Variants in ACVR1B observed in about 807,000 individuals in gnomAD.
The protein encoded by ACVR1B is activin receptor type-1B.
A neutral mutation model predicts 55.6 loss-of-function variants in ACVR1B; 15 were observed. The ratio of observed to expected loss-of-function variants is 0.27; its 90% CI spans 0.18 to 0.42. The LOEUF (loss-of-function observed/expected upper bound fraction) is 0.42. ACVR1B is among the 10% of genes least tolerant of loss of function. The probability of loss-of-function intolerance (pLI) is 1.00; values close to 1 mark genes in which losing one functional copy is unlikely to be tolerated. For missense variants in ACVR1B, 359 were observed against 670.1 expected (o/e 0.54, Z 5.13); for synonymous variants, 247 against 254.6 (o/e 0.97, Z 0.28).
At chr12:51,973,088 G>C (rs1024305291) in intron 1 of ACVR1B, among the ~76,000 whole-genome samples, 1 of 152,174 alleles carries the variant, frequency 6.6e-6, no homozygotes, top group Non-Finnish European at 1.5e-5. Flanking sequence ...AATGAGCCAC[G>C]TGTGGGTGTG....
At chr12:51,971,780 G>A (rs1941749870) in intron 1 of ACVR1B, among the ~76,000 whole-genome samples, 1 of 152,176 alleles carries the variant, frequency 6.6e-6, no homozygotes, top group East Asian at 1.9e-4. Context: ...CCAGTGTTGG[G>A]TCAGTGATCA....
Position 51,976,322 on chromosome 12 carries a change from C to T in ACVR1B, c.332-5C>T, listed in dbSNP as rs1941853934. On this transcript the variant is annotated splice_polypyrimidine_tract_variant and splice_region_variant and intron_variant, in intron 2 of 8. Transcript: ENST00000257963. ...TCTTTCCCTCTCCTCTCTCACTTGA[C>T]TCAGGTCACCTCAAGGAGCCTGAGC... The T allele has an allele frequency of 6.2e-7, 1 of 1,614,136 alleles. No homozygotes were observed. Among genetic ancestry groups the T allele is most frequent in the Non-Finnish European group, 8.5e-7 (1 of 1,180,002 alleles).
intron 2 of ACVR1B, 122 bp from the exon 3 acceptor site, chr12:51,976,205 G>A: frequency 1.7e-6 from 2 of 1,161,160 alleles, no homozygotes; most frequent in Non-Finnish European, 2.4e-6. Flanking sequence ...AGAGATCAAG[G>A]GAGCCTGAAC....
chr12:51,968,822 G>C (rs1161036595), intron 1 of ACVR1B, among the ~76,000 whole-genome samples: 1 of 152,134 alleles, frequency 6.6e-6, no homozygotes, highest in Non-Finnish European at 1.5e-5. Flanking sequence ...AATTTTTTTA[G>C]CACCAACGTG....
At chr12:51,971,227 T>A (rs1370550919) in intron 1 of ACVR1B, among the ~76,000 whole-genome samples, 1 of 152,242 alleles carries the variant, frequency 6.6e-6, no homozygotes, top group Admixed American at 6.5e-5. Context: ...GCCTGTCTCA[T>A]GAATCAAATT....
chr12:51,953,424 C>T, intron 1 of ACVR1B: 5 of 985,430 alleles, frequency 5.1e-6, no homozygotes, highest in Non-Finnish European at 4.8e-6. Flanking sequence ...GGCCTCACTG[C>T]TCTGTGGCTT....
At chr12:51,978,584 C>T (rs951145688) in intron 3 of ACVR1B, among the ~76,000 whole-genome samples, 5 of 152,096 alleles carry the variant, frequency 3.3e-5, no homozygotes, top group African/African-American at 7.2e-5. Flanking sequence ...AATCCCAGCA[C>T]TTTGGGAGGC....
At chr12:51,975,131 A>G (rs2120595495) in intron 1 of ACVR1B, 134 bp from the exon 2 acceptor site, 1 of 1,259,294 alleles carries the variant, frequency 7.9e-7, no homozygotes, top group African/African-American at 1.5e-5. Context: ...AGTTAAGGAT[A>G]TCTTTTTGGC....
At chr12:51,965,888 C>T (rs1302842222) in intron 1 of ACVR1B, among the ~76,000 whole-genome samples, 3 of 152,048 alleles carry the variant, frequency 2.0e-5, no homozygotes, top group Non-Finnish European at 2.9e-5. Flanking sequence ...TGGATGAAAT[C>T]GATTACAGAC....
rs577016278 is a variant in ACVR1B, at chr12:51,989,751, C to T, written c.1262-2112C>T. Among the ~76,000 whole-genome samples, 12 of 151,924 alleles carry T rather than the reference C, an allele frequency of 7.9e-5. No individual in the cohort carries two copies. The South Asian group carries it at 8.3e-4, about 11-fold the overall frequency. On this transcript the variant is annotated intron_variant, in intron 7 of 8. Transcript: ENST00000257963. ...CTGTAATCTCAGCACTTTTGGAGGCCGAGGTGGGCTGATCACAAGGTCAGG... is the reference window on the plus strand; with the variant it reads ...CTGTAATCTCAGCACTTTTGGAGGCTGAGGTGGGCTGATCACAAGGTCAGG...
At chr12:51,975,154 A>G (rs1176904885) in intron 1 of ACVR1B, 111 bp from the exon 2 acceptor site, 2 of 1,470,610 alleles carry the variant, frequency 1.4e-6, no homozygotes, top group Middle Eastern at 1.8e-4. Flanking sequence ...CATCTCTATA[A>G]AAACTGTTTT....
In ACVR1B at chr12:51,985,065, T is replaced by C. The variant is rs1001108936; in HGVS notation, c.980-127T>C. 9 of 977,970 alleles carry C rather than the reference T, an allele frequency of 9.2e-6. No individual in the cohort carries two copies. In the Admixed American group the frequency reaches 2.0e-4, roughly 21 times the overall value. 60.6% of individuals were successfully genotyped at this position (977,970 alleles called of 1,614,324 possible). ...TGAGGTACAGAGGGCTAAAGTCACTTTTCCAGGGTCACTGGATTAGCAGGA... is the reference window on the plus strand; with the variant it reads ...TGAGGTACAGAGGGCTAAAGTCACTCTTCCAGGGTCACTGGATTAGCAGGA... On this transcript the variant is annotated intron_variant, in intron 5 of 8. Coordinates refer to ENST00000257963, the MANE Select transcript of ACVR1B (RefSeq NM_004302.5).
At chr12:51,983,836 A>T (rs113186949) in intron 4 of ACVR1B, among the ~76,000 whole-genome samples, 163 bp from the exon 5 acceptor site, 1 of 152,232 alleles carries the variant, frequency 6.6e-6, no homozygotes, top group Admixed American at 6.5e-5. Context: ...GTAGACCACT[A>T]TAAATGAAAG....
chr12:51,980,935 A>G (rs1941965273), intron 3 of ACVR1B, 34 bp from the exon 4 acceptor site: 1 of 1,548,526 alleles, frequency 6.5e-7, no homozygotes, highest in Non-Finnish European at 8.7e-7. Context: ...TCAAATTTGC[A>G]ATGTCAGGTT....
intron 4 of ACVR1B, 96 bp from the exon 5 acceptor site, chr12:51,983,903 A>C: frequency 7.8e-7 from 1 of 1,289,518 alleles, no homozygotes; most frequent in Non-Finnish European, 1.1e-6. Context: ...TCAGGAGTCT[A>C]ACCTGATTTT....
chr12:51,992,652 G>GGTGT (rs1942215815), intron 8 of ACVR1B, among the ~76,000 whole-genome samples: 1 of 152,196 alleles, frequency 6.6e-6, no homozygotes, highest in Non-Finnish European at 1.5e-5. Context: ...GTGAGGAGGA[G>GGTGT]GTGTCCATAA....
intron 1 of ACVR1B, among the ~76,000 whole-genome samples, chr12:51,963,581 G>T (rs536896209): frequency 4.6e-5 from 7 of 152,298 alleles, no homozygotes; most frequent in Admixed American, 3.3e-4. Flanking sequence ...CTTCTTTCAT[G>T]TAATATAATG....
rs1455540914 is a variant in ACVR1B at position 51,953,820 on chromosome 12, C to G, written c.91+1986C>G. On this transcript the variant is annotated intron_variant, in intron 1 of 8. Transcript: ENST00000257963. ...AAGTGGTTCTGAATGGGGCAGAGTT[C>G]ATTTTTTTGTAACCTTCCTAAAATG... Among the ~76,000 whole-genome samples the G allele has an allele frequency of 2.0e-5, 3 of 152,192 alleles. No individual in the cohort carries two copies. In the East Asian group the frequency reaches 5.8e-4, roughly 29 times the overall value.
chr12:51,979,877 G>C (rs1403253768), intron 3 of ACVR1B, among the ~76,000 whole-genome samples: 1 of 152,148 alleles, frequency 6.6e-6, no homozygotes, highest in African/African-American at 2.4e-5. Flanking sequence ...GCAAGAGCAG[G>C]CTGAGATGGG....
Sources: gnomAD v4.1 joint callset for allele counts (sites outside exome capture counted in the v4.1 genomes callset) on GRCh38, gnomAD v4.1.1 for gene constraint, MANE v1.5 for transcripts, NCBI Gene and HGNC (gene_info 2026-07-23, HGNC 2026-07-21) for gene names.